KIFAP3: variants seen among roughly 807,000 people sequenced by gnomAD.
KIFAP3 encodes the protein kinesin-associated protein 3.
In KIFAP3, 68 loss-of-function variants were observed where a neutral mutation model predicts 106.5. The observed-to-expected ratio is 0.64, with a 90% CI of 0.53 to 0.78. KIFAP3 has a LOEUF of 0.78. KIFAP3 is among the 30% of genes least tolerant of loss of function. The probability of loss-of-function intolerance (pLI) is 0.00; values close to 1 mark genes in which losing one functional copy is unlikely to be tolerated. For missense variants in KIFAP3, 780 were observed against 941.8 expected (o/e 0.83, Z 2.25); for synonymous variants, 320 against 311.5 (o/e 1.03, Z -0.29).
At chr1:169,985,196 T>C (rs1322026840) in intron 11 of KIFAP3, among the ~76,000 whole-genome samples, 4 of 151,880 alleles carry the variant, frequency 2.6e-5, no homozygotes, top group African/African-American at 9.7e-5. Flanking sequence ...AATGGGAAGC[T>C]GCTAAAAGCT....
intron 10 of KIFAP3, among the ~76,000 whole-genome samples, chr1:170,006,698 CAG>C (rs1347457736): frequency 6.6e-6 from 1 of 152,066 alleles, no homozygotes; most frequent in Non-Finnish European, 1.5e-5. Flanking sequence ...ATGAGAAAGA[CAG>C]TGAAAATAGT....
chr1:169,988,129 A>G (rs1437647684), intron 11 of KIFAP3, among the ~76,000 whole-genome samples: 4 of 152,072 alleles, frequency 2.6e-5, no homozygotes, highest in Admixed American at 2.6e-4. Flanking sequence ...ATTGGGAGAG[A>G]TTATGAGACA....
At chr1:169,985,690 G>A (rs189535065) in intron 11 of KIFAP3, among the ~76,000 whole-genome samples, 2 of 151,914 alleles carry the variant, frequency 1.3e-5, no homozygotes, top group East Asian at 3.9e-4. Context: ...TTTAGGAACT[G>A]GCATATATGG....
chr1:170,046,643 A>G lies in KIFAP3; in HGVS notation c.319+69T>C, dbSNP rs17345642. On this transcript the variant is annotated intron_variant, in intron 3 of 19. Coordinates refer to ENST00000361580, the MANE Select transcript of KIFAP3 (RefSeq NM_014970.4). Reference sequence around the variant, plus strand: ...AATAGTTTGATAAACTTTTTTTTATAGTTGCTTGATGAACTATAATCAAAC... The same window carrying G: ...AATAGTTTGATAAACTTTTTTTTATGGTTGCTTGATGAACTATAATCAAAC... 9,347 of 1,241,646 alleles carry G rather than the reference A, an allele frequency of 7.5e-3. 44 individuals are homozygous for G. The highest frequency in any genetic ancestry group is 8.8e-3 in the Non-Finnish European group (8,221 of 934,388). 76.9% of individuals were successfully genotyped at this position (1,241,646 alleles called of 1,614,324 possible). A position where few individuals can be genotyped will look rare whatever the true frequency, so the allele number is the denominator to read the frequency against.
intron 1 of KIFAP3, among the ~76,000 whole-genome samples, chr1:170,065,446 T>C (rs1465071242): frequency 6.6e-6 from 1 of 151,668 alleles, no homozygotes; most frequent in Non-Finnish European, 1.5e-5. Context: ...ACCCTGTCTC[T>C]ACTAAAAAAT....
chr1:169,931,641 G>C (rs1289809940), intron 19 of KIFAP3, among the ~76,000 whole-genome samples: 2 of 152,096 alleles, frequency 1.3e-5, no homozygotes, highest in African/African-American at 4.8e-5. Flanking sequence ...ATAACCCCTA[G>C]GTCAATAAAC....
At chr1:170,062,266 A>G (rs1387057640) in intron 1 of KIFAP3, among the ~76,000 whole-genome samples, 3 of 151,722 alleles carry the variant, frequency 2.0e-5, no homozygotes, top group Non-Finnish European at 1.5e-5. Context: ...GGCAAAAAAA[A>G]AAACCCACCA....
In KIFAP3 at chr1:170,031,917, C is replaced by T. The variant is rs201647033; in HGVS notation, c.810G>A (p.Gly270=). The T allele has an allele frequency of 1.9e-6, 3 of 1,610,526 alleles. No homozygotes were observed. The highest frequency in any genetic ancestry group is 1.3e-5 in the African/African-American group (1 of 74,784). ...ATAGCTGTTCCTGTTTTACCACAAG[C>T]CCCTGGTACTTTTTAAAGGTTTTTT... ...DYEKTFKKYQ[G]LVVKQEQLLR... Residue 270 remains glycine, a synonymous_variant, in exon 8 of 20, where the codon GGG becomes GGA. Transcript: ENST00000361580.
At chr1:170,042,128 T>C (rs1419599650) in intron 3 of KIFAP3, among the ~76,000 whole-genome samples, 1 of 152,226 alleles carries the variant, frequency 6.6e-6, no homozygotes, top group Non-Finnish European at 1.5e-5. Context: ...AACTGGTGTT[T>C]GTCTTTGTTA....
At chr1:169,994,330 T>A (rs506196) in intron 10 of KIFAP3, among the ~76,000 whole-genome samples, 1 of 152,178 alleles carries the variant, frequency 6.6e-6, no homozygotes, top group Non-Finnish European at 1.5e-5. Context: ...TCTTCCTCAT[T>A]TGATGCCTTT....
intron 2 of KIFAP3, among the ~76,000 whole-genome samples, chr1:170,050,733 C>G (rs1176179748): frequency 6.6e-6 from 1 of 152,046 alleles, no homozygotes; most frequent in East Asian, 1.9e-4. Context: ...ATTTAATATC[C>G]AGCCAAACTA....
At chr1:170,001,255 T>C (rs1667654936) in intron 10 of KIFAP3, among the ~76,000 whole-genome samples, 1 of 152,114 alleles carries the variant, frequency 6.6e-6, no homozygotes, top group Non-Finnish European at 1.5e-5. Flanking sequence ...CCCTTAACAA[T>C]GACTGCTTTC....
intron 3 of KIFAP3, among the ~76,000 whole-genome samples, chr1:170,044,135 G>C (rs1670123946): frequency 6.6e-6 from 1 of 152,096 alleles, no homozygotes; most frequent in African/African-American, 2.4e-5. Context: ...AAAATGTAAG[G>C]GTGGATAGGA....
chr1:170,074,924 C>T (rs1256500446), upstream of KIFAP3, among the ~76,000 whole-genome samples: 1 of 152,194 alleles, frequency 6.6e-6, no homozygotes, highest in Non-Finnish European at 1.5e-5. Flanking sequence ...AATCCGATAA[C>T]CTTTTAGTTA....
intron 17 of KIFAP3, among the ~76,000 whole-genome samples, chr1:169,966,385 G>A (rs1665623390): frequency 6.7e-6 from 1 of 150,090 alleles, no homozygotes; most frequent in Non-Finnish European, 1.5e-5. Context: ...ACATTGGCAA[G>A]CAGAGTTTTC....
At position 169,949,373 on chromosome 1, in the gene KIFAP3, A is replaced by G. The variant is rs372128090; in HGVS notation, c.2273+4638T>C. Among the ~76,000 whole-genome samples, 6 of 152,196 alleles carry G rather than the reference A, an allele frequency of 3.9e-5. No individual in the cohort carries two copies. In the East Asian group the frequency reaches 5.8e-4, roughly 15 times the overall value. Reference sequence around the variant, plus strand: ...TAAATGACATCACTGTGCCAACCACAAAGAAGAACTCCAGGCTCTCTGAAA... The same window carrying G: ...TAAATGACATCACTGTGCCAACCACGAAGAAGAACTCCAGGCTCTCTGAAA... On this transcript the variant is annotated intron_variant, in intron 19 of 19. Coordinates refer to ENST00000361580, the MANE Select transcript of KIFAP3 (RefSeq NM_014970.4).
At chr1:169,966,175 T>C (rs1226420759) in intron 17 of KIFAP3, among the ~76,000 whole-genome samples, 2 of 151,906 alleles carry the variant, frequency 1.3e-5, no homozygotes, top group Non-Finnish European at 2.9e-5. Flanking sequence ...CTAATTAACA[T>C]GCATTATTGT....
At chr1:170,027,211 G>T (rs12116880) in intron 8 of KIFAP3, among the ~76,000 whole-genome samples, 24,754 of 151,682 alleles carry the variant, frequency 0.16, 2,171 homozygotes, top group Admixed American at 0.22. Flanking sequence ...GTAGAGATGG[G>T]GTTTCACCAT....
intron 1 of KIFAP3, among the ~76,000 whole-genome samples, 176 bp downstream of exon 1, chr1:170,074,260 C>A (rs1005126902): frequency 6.6e-6 from 1 of 152,204 alleles, no homozygotes; most frequent in African/African-American, 2.4e-5. Context: ...TGAAACCCCC[C>A]CAGAGCTCTC....
Sources: gnomAD v4.1 joint callset for allele counts (sites outside exome capture counted in the v4.1 genomes callset) on GRCh38, gnomAD v4.1.1 for gene constraint, MANE v1.5 for transcripts, NCBI Gene and HGNC (gene_info 2026-07-23, HGNC 2026-07-21) for gene names.